RPS6KC1: variants seen among roughly 807,000 people sequenced by gnomAD.
RPS6KC1 encodes ribosomal protein S6 kinase C1.
A neutral mutation model predicts 103.8 loss-of-function variants in RPS6KC1; 54 were observed. The ratio of observed to expected loss-of-function variants is 0.52; its 90% CI spans 0.42 to 0.65. The LOEUF is 0.65. Ranked by LOEUF, RPS6KC1 falls within the 30% of genes least tolerant of loss-of-function variation. RPS6KC1 has a pLI of 0.00. For synonymous variants in RPS6KC1, 439 were observed against 438.7 expected, an observed-to-expected ratio of 1.00 and a Z score of -0.01; for missense variants, 1,151 against 1,253.8, an observed-to-expected ratio of 0.92 and a Z score of 1.24.
the RPS6KC1 span, among the ~76,000 whole-genome samples, chr1:213,677,830 A>C: frequency 3.1e-4 from 47 of 151,960 alleles, no homozygotes; most frequent in African/African-American, 1.1e-3. Context: ...AGATGGTGGA[A>C]CCTTGTATCT....
At chr1:213,155,336 C>T (rs2089749962) in intron 6 of RPS6KC1, among the ~76,000 whole-genome samples, 1 of 152,184 alleles carries the variant, frequency 6.6e-6, no homozygotes, top group Non-Finnish European at 1.5e-5. Flanking sequence ...CTACAAGTTG[C>T]AGTCCTTATG....
At chr1:213,381,333 C>T in the RPS6KC1 span, among the ~76,000 whole-genome samples, 1 of 152,022 alleles carries the variant, frequency 6.6e-6, no homozygotes, top group Admixed American at 6.6e-5. Context: ...GCTCCCTGTC[C>T]TCTGTGCATT....
At chr1:213,816,004 T>C in the RPS6KC1 span, among the ~76,000 whole-genome samples, 4 of 152,140 alleles carry the variant, frequency 2.6e-5, no homozygotes, top group African/African-American at 7.2e-5. Context: ...CCTCAGGGAA[T>C]AGGGAGCCAG....
chr1:213,151,031 C>A (rs1181444385), intron 6 of RPS6KC1, among the ~76,000 whole-genome samples: 1 of 147,794 alleles, frequency 6.8e-6, no homozygotes, highest in Non-Finnish European at 1.5e-5. Flanking sequence ...GGGCAGCTGG[C>A]CGGGCAGAGG....
chr1:213,171,621 A>G (rs2091484981), intron 7 of RPS6KC1, among the ~76,000 whole-genome samples: 1 of 152,136 alleles, frequency 6.6e-6, no homozygotes, highest in African/African-American at 2.4e-5. Flanking sequence ...CCTTTCCTGA[A>G]TATTTGTAGA....
chr1:213,537,575 A>G, the RPS6KC1 span, among the ~76,000 whole-genome samples: 1 of 152,182 alleles, frequency 6.6e-6, no homozygotes, highest in Admixed American at 6.5e-5. Context: ...AGCCTTTATA[A>G]AAATGGTCCT....
intron 6 of RPS6KC1, among the ~76,000 whole-genome samples, chr1:213,160,904 G>T (rs1340497587): frequency 2.6e-5 from 4 of 151,916 alleles, no homozygotes; most frequent in Non-Finnish European, 5.9e-5. Flanking sequence ...CATAAATGAC[G>T]AATTAATGGG....
At chr1:213,385,410 T>A in the RPS6KC1 span, among the ~76,000 whole-genome samples, 1 of 152,146 alleles carries the variant, frequency 6.6e-6, no homozygotes, top group Non-Finnish European at 1.5e-5. Flanking sequence ...AAAGCCAGGA[T>A]TTGAACCAAG....
the RPS6KC1 span, among the ~76,000 whole-genome samples, chr1:213,366,583 A>G: frequency 3.3e-5 from 5 of 152,236 alleles, no homozygotes; most frequent in African/African-American, 4.8e-5. Context: ...CAGACAACAC[A>G]TGAATGAATG....
the RPS6KC1 span, among the ~76,000 whole-genome samples, chr1:213,605,924 A>G: frequency 6.6e-6 from 1 of 152,212 alleles, no homozygotes; most frequent in African/African-American, 2.4e-5. Flanking sequence ...AATGAGGTTG[A>G]GGGAGTGCAA....
chr1:213,064,532 T>G (rs1016337168), intron 1 of RPS6KC1, among the ~76,000 whole-genome samples: 1 of 151,702 alleles, frequency 6.6e-6, no homozygotes, highest in African/African-American at 2.4e-5. Flanking sequence ...AAAGCCTAGC[T>G]AATTTTTGTA....
chr1:213,363,608 T>TC, the RPS6KC1 span, among the ~76,000 whole-genome samples: 3 of 67,710 alleles, frequency 4.4e-5, 1 homozygote, highest in East Asian at 3.8e-4. Context: ...CTCGCTCGCT[T>TC]GCTTGCTTGC....
At chr1:213,137,434 A>G (rs2149054473) in intron 6 of RPS6KC1, among the ~76,000 whole-genome samples, 1 of 151,994 alleles carries the variant, frequency 6.6e-6, no homozygotes. Context: ...CCCAGGTTCA[A>G]GGGATTCTCC....
chr1:213,152,608 C>T (rs564244028), intron 6 of RPS6KC1, among the ~76,000 whole-genome samples: 4,664 of 149,070 alleles, frequency 0.031, 58 homozygotes, highest in Middle Eastern at 0.05. Flanking sequence ...GACGGGGCGG[C>T]GGGGCAGAGG....
the RPS6KC1 span, chr1:213,842,275 C>T: frequency 6.6e-6 from 1 of 152,166 alleles, no homozygotes; most frequent in Non-Finnish European, 1.5e-5. Context: ...TACAGTGCCT[C>T]GTATATGACA....
At chr1:213,765,699 G>A in the RPS6KC1 span, among the ~76,000 whole-genome samples, 10 of 151,848 alleles carry the variant, frequency 6.6e-5, no homozygotes, top group East Asian at 1.9e-4. Context: ...CTCTACCCTC[G>A]CCAGCCCCTC....
intron 13 of RPS6KC1, among the ~76,000 whole-genome samples, chr1:213,262,480 T>A (rs545721572): frequency 1.3e-5 from 2 of 152,334 alleles, no homozygotes; most frequent in African/African-American, 4.8e-5. Context: ...ATTTTATAAC[T>A]AAGGACGACG....
At chr1:213,726,422 T>C in the RPS6KC1 span, among the ~76,000 whole-genome samples, 1 of 152,136 alleles carries the variant, frequency 6.6e-6, no homozygotes, top group Non-Finnish European at 1.5e-5. Context: ...CTAACTGTCA[T>C]AAAAAAGAGG....
At chr1:213,151,225 C>G (rs2088799217) in intron 6 of RPS6KC1, among the ~76,000 whole-genome samples, 1 of 135,108 alleles carries the variant, frequency 7.4e-6, no homozygotes, top group Non-Finnish European at 1.6e-5. Flanking sequence ...GGGGCTGACC[C>G]CCCCACCTCC....
Sources: gnomAD v4.1 joint callset for allele counts (sites outside exome capture counted in the v4.1 genomes callset) on GRCh38, gnomAD v4.1.1 for gene constraint, MANE v1.5 for transcripts, NCBI Gene and HGNC (gene_info 2026-07-23, HGNC 2026-07-21) for gene names.